VWA8: variants seen among roughly 807,000 people sequenced by gnomAD.
VWA8 encodes the protein von Willebrand factor A domain containing 8.
VWA8 carries 221 observed loss-of-function variants against 241.5 expected under a neutral mutation model. The ratio of observed to expected loss-of-function variants is 0.91; its 90% CI spans 0.82 to 1.02. The LOEUF (loss-of-function observed/expected upper bound fraction) is 1.02. Ranked by LOEUF, VWA8 falls within the 50% of genes least tolerant of loss-of-function variation. The probability of loss-of-function intolerance (pLI) is 0.00; values close to 1 mark genes in which losing one functional copy is unlikely to be tolerated. For synonymous variants in VWA8, 852 were observed against 827.1 expected (o/e 1.03, Z -0.52); for missense variants, 2,322 against 2,328.7 (o/e 1.00, Z 0.06).
intron 12 of VWA8, among the ~76,000 whole-genome samples, chr13:41,834,444 C>T (rs894671503): frequency 6.6e-6 from 1 of 152,146 alleles, no homozygotes; most frequent in African/African-American, 2.4e-5. Context: ...AGATAGAAAA[C>T]TAATGAATTT....
At chr13:41,767,306 C>T (rs2045785602) in intron 20 of VWA8, among the ~76,000 whole-genome samples, 1 of 152,122 alleles carries the variant, frequency 6.6e-6, no homozygotes, top group African/African-American at 2.4e-5. Flanking sequence ...CCATCTAATG[C>T]TGAACCTTCT....
intron 35 of VWA8, among the ~76,000 whole-genome samples, chr13:41,683,058 A>G (rs1398931151): frequency 6.6e-6 from 1 of 152,280 alleles, no homozygotes; most frequent in East Asian, 1.9e-4. Flanking sequence ...CAGTTTCATC[A>G]TATGATGCAA....
chr13:41,773,589 C>T (rs865988941), intron 20 of VWA8, among the ~76,000 whole-genome samples: 5 of 152,292 alleles, frequency 3.3e-5, no homozygotes, highest in Middle Eastern at 3.4e-3. Flanking sequence ...TGTACTCCCT[C>T]GTACCCACCA....
At chr13:41,877,142 C>T (rs1300973719) in intron 9 of VWA8, among the ~76,000 whole-genome samples, 2 of 152,142 alleles carry the variant, frequency 1.3e-5, no homozygotes, top group South Asian at 4.2e-4. Flanking sequence ...TTAGCCCCCA[C>T]CACAAATGTG....
chr13:41,870,672 A>G (rs1441550946), intron 9 of VWA8, among the ~76,000 whole-genome samples: 1 of 151,906 alleles, frequency 6.6e-6, no homozygotes, highest in Non-Finnish European at 1.5e-5. Flanking sequence ...TTTAGAACGA[A>G]GATTCATTAA....
chr13:41,795,500 T>C (rs1869650693), intron 17 of VWA8, among the ~76,000 whole-genome samples: 1 of 152,240 alleles, frequency 6.6e-6, no homozygotes, highest in Admixed American at 6.5e-5. Flanking sequence ...TGCATGCTTA[T>C]GTTCATTGCA....
chr13:41,937,075 G>C (rs894460342), intron 2 of VWA8, among the ~76,000 whole-genome samples: 5 of 152,216 alleles, frequency 3.3e-5, no homozygotes, highest in African/African-American at 9.6e-5. Flanking sequence ...ACAGTATTCA[G>C]TACAGTAACA....
chr13:41,763,307 A>AG (rs1566446831), intron 20 of VWA8, among the ~76,000 whole-genome samples: 56 of 145,022 alleles, frequency 3.9e-4, no homozygotes, highest in African/African-American at 1.3e-3. Flanking sequence ...ATAAATAAAT[A>AG]AATAGATAGA....
intron 17 of VWA8, among the ~76,000 whole-genome samples, chr13:41,803,724 ATCAGTGACC>A (rs1870063736): frequency 6.6e-6 from 1 of 152,238 alleles, no homozygotes; most frequent in Non-Finnish European, 1.5e-5. Flanking sequence ...GCCAAACCAC[ATCAGTGACC>A]TTAAAGAAAG....
chr13:41,573,485 AAAT>A (rs200053269), intron 43 of VWA8, among the ~76,000 whole-genome samples: 8,804 of 119,554 alleles, frequency 0.074, 494 homozygotes, highest in Admixed American at 0.2. Flanking sequence ...AAAAAAAAAA[AAAT>A]ATATATATAT....
At chr13:41,581,251 C>T (rs1235395783) in intron 42 of VWA8, among the ~76,000 whole-genome samples, 1 of 76,760 alleles carries the variant, frequency 1.3e-5, no homozygotes, top group Non-Finnish European at 2.1e-5. Flanking sequence ...ATCCGCCCGC[C>T]TCGGCCTCCC....
intron 28 of VWA8, among the ~76,000 whole-genome samples, chr13:41,700,601 C>CT (rs1433017010): frequency 6.6e-6 from 1 of 152,152 alleles, no homozygotes; most frequent in Non-Finnish European, 1.5e-5. Flanking sequence ...ACTGTTTTCT[C>CT]TTTTTGCAGG....
chr13:41,571,871 C>G (rs559875552), intron 43 of VWA8, among the ~76,000 whole-genome samples: 3 of 152,132 alleles, frequency 2.0e-5, no homozygotes, highest in Admixed American at 2.0e-4. Flanking sequence ...AGGGGCGCCT[C>G]TTCCCGGCCG....
intron 26 of VWA8, among the ~76,000 whole-genome samples, chr13:41,707,710 T>C (rs2045291262): frequency 6.6e-6 from 1 of 152,216 alleles, no homozygotes; most frequent in African/African-American, 2.4e-5. Flanking sequence ...CTCAGCCACC[T>C]CAAACTATTA....
intron 42 of VWA8, 81 bp from the exon 43 acceptor site, chr13:41,575,919 G>A: frequency 9.6e-7 from 1 of 1,046,824 alleles, no homozygotes; most frequent in Admixed American, 2.2e-5. Context: ...CAACTCTTTG[G>A]ACCATTATTG....
intron 37 of VWA8, among the ~76,000 whole-genome samples, chr13:41,625,656 T>C (rs2044685070): frequency 6.6e-6 from 1 of 152,046 alleles, no homozygotes; most frequent in African/African-American, 2.4e-5. Flanking sequence ...AGTTCAACCA[T>C]TGTGGAAGAC....
intron 2 of VWA8, 91 bp from the exon 3 acceptor site, chr13:41,912,259 A>G: frequency 1.0e-6 from 1 of 961,046 alleles, no homozygotes; most frequent in Non-Finnish European, 1.4e-6. Flanking sequence ...ATATATATAT[A>G]TAACGTATAT....
At chr13:41,775,524 CAACTTGA>C (rs930205947) in intron 20 of VWA8, among the ~76,000 whole-genome samples, 3 of 152,160 alleles carry the variant, frequency 2.0e-5, no homozygotes, top group African/African-American at 7.2e-5. Context: ...TGGGGATCTT[CAACTTGA>C]AGGCTCTATC....
At chr13:41,792,354 C>A (rs1041313303) in intron 17 of VWA8, among the ~76,000 whole-genome samples, 2 of 151,808 alleles carry the variant, frequency 1.3e-5, no homozygotes, top group African/African-American at 4.8e-5. Flanking sequence ...ATTGGAAAAT[C>A]TTTATTTATA....
Sources: allele counts gnomAD v4.1 joint callset (sites outside exome capture counted in the v4.1 genomes callset), GRCh38; gene constraint gnomAD v4.1.1; transcripts MANE v1.5; gene names NCBI Gene and HGNC (gene_info 2026-07-23, HGNC 2026-07-21).